Variants in XRN1 observed in about 807,000 individuals in gnomAD.
XRN1 encodes the protein strand-exchange protein 1 homolog.
Under a neutral mutation model 222.3 loss-of-function variants are expected in XRN1, and 67 were observed. The ratio of observed to expected loss-of-function variants is 0.30; its 90% CI spans 0.25 to 0.37. The LOEUF (loss-of-function observed/expected upper bound fraction) is 0.37, where lower values mean the gene tolerates loss of function less well. Among genes scored for constraint, XRN1 ranks in the 10% least tolerant of loss-of-function variants. The pLI, the probability that XRN1 is intolerant of heterozygous loss-of-function variation, is 1.00. For synonymous variants in XRN1, 643 were observed against 652.4 expected (o/e 0.99, Z 0.22); for missense variants, 1,707 against 2,000.2 (o/e 0.85, Z 2.80).
intron 2 of XRN1, among the ~76,000 whole-genome samples, chr3:142,431,870 T>TATTATATATATATAATATAA (rs1204477345): frequency 4.7e-5 from 1 of 21,490 alleles, no homozygotes; most frequent in African/African-American, 3.3e-4. Context: ...ATATAATATA[T>TATTATATATATATAATATAA]TATATTATAT....
At chr3:142,414,774 C>G (rs554698885) in intron 13 of XRN1, among the ~76,000 whole-genome samples, 1 of 152,188 alleles carries the variant, frequency 6.6e-6, no homozygotes, top group East Asian at 1.9e-4. Flanking sequence ...GGATTACAGG[C>G]GTAAGCCACT....
At position 142,443,452 on chromosome 3, in the gene XRN1, A is replaced by C. The variant is rs1457531297; in HGVS notation, c.75+4418T>G. On this transcript the variant is annotated intron_variant, in intron 1 of 40. Transcript: ENST00000392981. ...TTAGCTCACACCTGATCAATCAGAG[A>C]GCTCACTAAAATGCTAATTAGGCAA... Among the ~76,000 whole-genome samples, 7 of 152,190 alleles carry C rather than the reference A, an allele frequency of 4.6e-5. No individual in the cohort carries two copies. The South Asian group carries it at 1.5e-3, about 32-fold the overall frequency.
At chr3:142,419,476 A>G (rs1213497135) in intron 10 of XRN1, among the ~76,000 whole-genome samples, 3 of 152,134 alleles carry the variant, frequency 2.0e-5, no homozygotes, top group Non-Finnish European at 4.4e-5. Context: ...ATTAAGTTTG[A>G]ACCTAAATAG....
intron 27 of XRN1, among the ~76,000 whole-genome samples, 179 bp downstream of exon 27, chr3:142,370,306 T>C (rs370566374): frequency 6.6e-6 from 1 of 152,200 alleles, no homozygotes; most frequent in South Asian, 2.1e-4. Flanking sequence ...CATAACACTA[T>C]TGGCTACTAA....
intron 24 of XRN1, 21 bp from the exon 25 acceptor site, chr3:142,375,965 C>A: frequency 6.3e-7 from 1 of 1,583,922 alleles, no homozygotes; most frequent in Non-Finnish European, 8.6e-7. Flanking sequence ...ACCACACATG[C>A]GCACACGTGC....
chr3:142,393,632 T>C (rs549909188), intron 20 of XRN1, among the ~76,000 whole-genome samples: 3 of 152,240 alleles, frequency 2.0e-5, no homozygotes, highest in South Asian at 4.2e-4. Flanking sequence ...GATCAGATAG[T>C]TGTAGATATG....
intron 5 of XRN1, among the ~76,000 whole-genome samples, chr3:142,424,452 T>C (rs1320426179): frequency 6.6e-6 from 1 of 152,104 alleles, no homozygotes; most frequent in African/African-American, 2.4e-5. Flanking sequence ...CACATATCAA[T>C]CAAACGCCAT....
At chr3:142,438,390 G>A (rs974382598) in intron 1 of XRN1, among the ~76,000 whole-genome samples, 4 of 152,020 alleles carry the variant, frequency 2.6e-5, no homozygotes, top group Non-Finnish European at 5.9e-5. Flanking sequence ...CAAGAGAGGC[G>A]GGAAAACAGG....
At chr3:142,383,273 G>GT (rs2067370054) in intron 22 of XRN1, 27 bp downstream of exon 22, 1 of 1,540,730 alleles carries the variant, frequency 6.5e-7, no homozygotes, top group South Asian at 1.2e-5. Flanking sequence ...AGAGAAAAAT[G>GT]TATCAGTAAC....
Position 142,311,672 on chromosome 3 carries a change from A to G in XRN1, c.4924T>C (p.Leu1642=), listed in dbSNP as rs1379294004. The G allele has an allele frequency of 1.9e-6, 3 of 1,614,180 alleles. No homozygotes were observed. The highest frequency in any genetic ancestry group is 2.5e-6 in the Non-Finnish European group (3 of 1,180,014). The change falls in exon 41 of 41, where the codon TTG becomes CTG. Residue 1642 remains leucine (L), a synonymous_variant. Coordinates refer to ENST00000392981, the MANE Select transcript of XRN1 (RefSeq NM_001282857.2). The stretch of plus-strand genomic sequence containing the variant: ...GGTTGAGCAATCGGAGAGGACTTCA[A>G]AGAAGCTGATGAGCTCTCCCGTGGA... ...VSPRESSSAS[L]KSSPIAQPAS...
Position 142,376,553 on chromosome 3 carries a change from A to G in XRN1, c.2757T>C (p.Ser919=), listed in dbSNP as rs1482410182. The G allele has an allele frequency of 6.2e-7, 1 of 1,613,342 alleles. No individual in the cohort carries two copies. The highest frequency in any genetic ancestry group is 8.5e-7 in the Non-Finnish European group (1 of 1,179,520). ...CAAGGTATCCACTCACTCCAAGGCG[A>G]CTGGCCAACACATATCCTGGGTTGT... ...IKYNPGYVLA[S]RLGVSGYLVS... is the part of the protein sequence containing the mutation. Residue 919 remains serine, a synonymous_variant, in exon 24 of 41, where the codon AGT becomes AGC. Transcript: ENST00000392981.
At chr3:142,313,055 T>C in intron 39 of XRN1, 2 of 1,463,440 alleles carry the variant, frequency 1.4e-6, no homozygotes, top group Non-Finnish European at 1.9e-6. Flanking sequence ...ATTATATTTA[T>C]AAAAAAAATA....
intron 13 of XRN1, among the ~76,000 whole-genome samples, chr3:142,415,386 A>T (rs1402802800): frequency 6.6e-6 from 1 of 152,232 alleles, no homozygotes; most frequent in South Asian, 2.1e-4. Flanking sequence ...GAAAAAGGGT[A>T]GACTTTGGAA....
At chr3:142,366,054 A>G (rs1434822879) in intron 27 of XRN1, among the ~76,000 whole-genome samples, 3 of 152,162 alleles carry the variant, frequency 2.0e-5, no homozygotes, top group Admixed American at 6.5e-5. Context: ...CTTTTCTCCT[A>G]TCTTTGATAC....
chr3:142,347,639 A>G (rs1577262853), intron 32 of XRN1, among the ~76,000 whole-genome samples: 1 of 151,752 alleles, frequency 6.6e-6, no homozygotes, highest in African/African-American at 2.4e-5. Context: ...CTCTGTTACC[A>G]AGGCTGGAAG....
intron 5 of XRN1, among the ~76,000 whole-genome samples, chr3:142,424,898 G>A (rs955228722): frequency 1.3e-5 from 2 of 152,100 alleles, no homozygotes; most frequent in Admixed American, 1.3e-4. Flanking sequence ...GGAGCATGGA[G>A]TTTTCAGATA....
chr3:142,392,607 G>A (rs1378889868), intron 20 of XRN1, among the ~76,000 whole-genome samples: 1 of 151,168 alleles, frequency 6.6e-6, no homozygotes, highest in Non-Finnish European at 1.5e-5. Context: ...AGTTTACTGA[G>A]AATGATGATT....
intron 36 of XRN1, 56 bp downstream of exon 36, chr3:142,332,319 C>G: frequency 1.6e-6 from 2 of 1,278,052 alleles, no homozygotes; most frequent in Non-Finnish European, 2.1e-6. Flanking sequence ...TAAAAAGAAC[C>G]AAATGAATTG....
chr3:142,385,701 G>T (rs2067473987), intron 20 of XRN1, among the ~76,000 whole-genome samples: 1 of 152,018 alleles, frequency 6.6e-6, no homozygotes, highest in African/African-American at 2.4e-5. Context: ...TTCATTTAAG[G>T]AATACTTTCT....
Sources: allele counts gnomAD v4.1 joint callset (sites outside exome capture counted in the v4.1 genomes callset), GRCh38; gene constraint gnomAD v4.1.1; transcripts MANE v1.5; gene names NCBI Gene and HGNC (gene_info 2026-07-23, HGNC 2026-07-21).